The following LAMB2 variants were observed in gnomAD, a reference collection of about 807,000 sequenced individuals.
LAMB2 encodes laminin subunit beta-2.
Under a neutral mutation model 202.7 loss-of-function variants are expected in LAMB2, and 119 were observed. That is an observed-to-expected ratio of 0.59 (90% CI 0.51 to 0.68). LAMB2 has a LOEUF of 0.68. Ranked by LOEUF, LAMB2 falls within the 30% of genes least tolerant of loss-of-function variation. The pLI, the probability that LAMB2 is intolerant of heterozygous loss-of-function variation, is 0.00. For missense variants in LAMB2, 2,124 were observed against 2,410.6 expected, an observed-to-expected ratio of 0.88 and a Z score of 2.49; for synonymous variants, 818 against 902.2, an observed-to-expected ratio of 0.91 and a Z score of 1.67.
chr3:49,132,044 G>T lies in LAMB2; in HGVS notation c.459+72C>A. The stretch of plus-strand genomic sequence containing the variant: ...ATGCTCAAGGAGGCTGTGTTAAGGA[G>T]CTGAGGCTCTGTCCAGGGGCAATGG... On this transcript the variant is annotated intron_variant, in intron 4 of 31. Coordinates refer to ENST00000305544, the MANE Select transcript of LAMB2 (RefSeq NM_002292.4). The surrounding 1 kb of genome is among the most constrained non-coding windows in gnomAD (Gnocchi z 4.6). 7.0e-7 allele frequency: 1 copy of T among 1,420,302 alleles called. No homozygotes were observed. Among genetic ancestry groups the T allele is most frequent in the Non-Finnish European group, 1.0e-6 (1 of 1,004,320 alleles). 88.0% of individuals were successfully genotyped at this position (1,420,302 alleles called of 1,614,324 possible).
Position 49,132,084 on chromosome 3 carries a change from T to C in LAMB2, c.459+32A>G, listed in dbSNP as rs1365288829. 2 of 1,602,812 alleles carry C rather than the reference T, an allele frequency of 1.2e-6. No homozygotes were observed. The highest frequency in any genetic ancestry group is 1.7e-6 in the Non-Finnish European group (2 of 1,169,870). The stretch of plus-strand genomic sequence containing the variant: ...AGGGGCAATGGAGAGCCAAGCAGGG[T>C]GATTCGGGCAGGCTCCCAGATATGC... On this transcript the variant is annotated intron_variant, in intron 4 of 31. Transcript: ENST00000305544. This position sits in a 1 kb window ranked among gnomAD's most constrained non-coding sequence, Gnocchi z 4.6.
rs2045486019 is a variant in LAMB2, at chr3:49,131,895, C to T, written c.460-172G>A. Among the ~76,000 whole-genome samples, 1 of 152,126 alleles carries T rather than the reference C, an allele frequency of 6.6e-6. No individual in the cohort carries two copies. Among genetic ancestry groups the T allele is most frequent in the African/African-American group, 2.4e-5 (1 of 41,418 alleles). On this transcript the variant is annotated intron_variant, in intron 4 of 31. Coordinates refer to ENST00000305544, the MANE Select transcript of LAMB2 (RefSeq NM_002292.4). This position sits in a 1 kb window ranked among gnomAD's most constrained non-coding sequence, Gnocchi z 5.0. Reference sequence around the variant, plus strand: ...GGTAGCCACCTCTAATGGGGAGACTCAGGGTTCATGGGGCTCAGGGAGACA... The same window carrying T: ...GGTAGCCACCTCTAATGGGGAGACTTAGGGTTCATGGGGCTCAGGGAGACA...
In LAMB2 at chr3:49,129,284, C is replaced by T. The variant is rs148333147; in HGVS notation, c.1559G>A (p.Arg520His). 39 of 1,613,646 alleles carry T rather than the reference C, an allele frequency of 2.4e-5. No individual in the cohort carries two copies. Among genetic ancestry groups the T allele is most frequent in the African/African-American group, 2.0e-4 (15 of 75,032 alleles). Residue 520 changes from arginine (R) to histidine (H), a missense_variant, in exon 12 of 32, where the codon CGC (arginine) becomes CAC (histidine). Arg to His is a conservative substitution (Grantham distance 29). Coordinates refer to ENST00000305544, the MANE Select transcript of LAMB2 (RefSeq NM_002292.4). The surrounding 1 kb of genome is among the most constrained non-coding windows in gnomAD (Gnocchi z 6.1). ...WGLSHDLLGC[R>H]PCDCDVGGAL... ...ACCACCCACGTCGCAGTCACAGGGG[C>T]GGCAGCCGAGCAGGTCGTGGCTCAG...
chr3:49,128,860 C>T (rs1209201816), intron 13 of LAMB2, 41 bp from the exon 14 acceptor site: 1 of 1,605,866 alleles, frequency 6.2e-7, no homozygotes, highest in Non-Finnish European at 8.5e-7. Flanking sequence ...TCAGGTGAGG[C>T]TTTGCCTCTT....
chr3:49,124,679 G>A (rs1440883778), intron 21 of LAMB2, 22 bp downstream of exon 21: 8 of 1,613,886 alleles, frequency 5.0e-6, no homozygotes, highest in Non-Finnish European at 6.8e-6. Flanking sequence ...ATTCAGCCAT[G>A]CCCTCCCACA....
intron 18 of LAMB2, 23 bp downstream of exon 18, chr3:49,125,724 G>A: frequency 1.2e-6 from 2 of 1,611,538 alleles, no homozygotes; most frequent in Non-Finnish European, 1.7e-6. Flanking sequence ...AAGCATAGGA[G>A]GGAACAAGGG....
rs528274597 is a variant in LAMB2, at chr3:49,128,168, C to T, written c.2018+290G>A. ...TGATGCCACAACCCCACCACTACCA[C>T]CCTCTACCACCACCACTGTGGACCC... is the stretch of plus-strand genomic sequence containing the variant. On this transcript the variant is annotated intron_variant, in intron 15 of 31. Transcript: ENST00000305544. Among the ~76,000 whole-genome samples, 312 of 152,290 alleles carry T rather than the reference C, an allele frequency of 2.0e-3. 2 individuals are homozygous for T. Among genetic ancestry groups the T allele is most frequent in the Admixed American group, 1.0e-2 (153 of 15,304 alleles).
In LAMB2 at chr3:49,132,375, G is replaced by A. The variant is rs754551568; in HGVS notation, c.280C>T (p.Arg94Trp). ...DEKKCFLCDS[R>W]RPFSARDNPH... is the part of the protein sequence containing the mutation. ...TTGTCTCTAGCAGAGAAGGGGCGCC[G>A]GGAGTCACAAAGGAAGCACTTCTTT... The change falls in exon 3 of 32, where the codon CGG (arginine) becomes TGG (tryptophan). Residue 94 changes from arginine (R) to tryptophan (W), a missense_variant. Around this residue, in one of 3 missense-constraint regions of LAMB2, gnomAD observed 166 missense variants for 158.2 expected, o/e 1.05. Coordinates refer to ENST00000305544, the MANE Select transcript of LAMB2 (RefSeq NM_002292.4). The surrounding 1 kb of genome is among the most constrained non-coding windows in gnomAD (Gnocchi z 4.6). The A allele has an allele frequency of 8.2e-5, 132 of 1,614,084 alleles. No individual in the cohort carries two copies. The highest frequency in any genetic ancestry group is 1.6e-4 in the Middle Eastern group (1 of 6,084).
chr3:49,122,118 A>G (rs764857659), intron 28 of LAMB2, 33 bp from the exon 29 acceptor site: 40 of 1,613,340 alleles, frequency 2.5e-5, no homozygotes, highest in Non-Finnish European at 3.0e-5. Flanking sequence ...ACCTGGAGGT[A>G]TCAAAACCAG....
Position 49,121,674 on chromosome 3 carries a change from C to T in LAMB2, c.5100+10G>A, listed in dbSNP as rs1221346082. ...CCCTACCTTCTCCAGCTGGCTCTGC[C>T]TCAACCCACCTGCTCAGCCTCCTGG... On this transcript the variant is annotated intron_variant, in intron 30 of 31. Transcript: ENST00000305544. The T allele has an allele frequency of 6.2e-7, 1 of 1,614,086 alleles. No individual in the cohort carries two copies. The highest frequency in any genetic ancestry group is 1.1e-5 in the South Asian group (1 of 91,088).
At position 49,125,347 on chromosome 3, in the gene LAMB2, G is replaced by A. The variant is rs200108816; in HGVS notation, c.2626C>T (p.Pro876Ser). 1.2e-5 allele frequency: 20 copies of A among 1,614,080 alleles called. No homozygotes were observed. The highest frequency in any genetic ancestry group is 1.6e-5 in the Non-Finnish European group (19 of 1,180,052). ...RGQWGFPSCR[P>S]CVCNGHADEC... ...TCTGCATGCCCATTGCAGACACATG[G>A]CCGGCAGCTAGGGAATCCCCACTGG... Residue 876 changes from proline (P) to serine (S), a missense_variant, in exon 19 of 32, where the codon CCA becomes TCA. Coordinates refer to ENST00000305544, the MANE Select transcript of LAMB2 (RefSeq NM_002292.4).
At position 49,124,562 on chromosome 3, in the gene LAMB2, C is replaced by A; in HGVS notation, c.3160G>T (p.Asp1054Tyr). 6.2e-7 allele frequency: 1 copy of A among 1,613,840 alleles called. No individual in the cohort carries two copies. Among genetic ancestry groups the A allele is most frequent in the South Asian group, 1.1e-5 (1 of 91,076 alleles). Residue 1054 changes from aspartate (D) to tyrosine (Y), a missense_variant, in exon 22 of 32, where the codon GAC (aspartate) becomes TAC (tyrosine). Asp to Tyr is a radical substitution (Grantham distance 160). Transcript: ENST00000305544. ...GTNPQQCPSP[D>Y]QCHCDPSSGQ... ...CTGCTTGGATCACAGTGGCACTGGTCAGGAGATGGGCACTGCTGCGGATTT... is the reference window on the plus strand; with the variant it reads ...CTGCTTGGATCACAGTGGCACTGGTAAGGAGATGGGCACTGCTGCGGATTT...
Position 49,129,994 on chromosome 3 carries a change from G to A in LAMB2, c.1250C>T (p.Ser417Phe). The A allele has an allele frequency of 6.2e-7, 1 of 1,614,022 alleles. No individual in the cohort carries two copies. Among genetic ancestry groups the A allele is most frequent in the African/African-American group, 1.3e-5 (1 of 75,050 alleles). The change falls in exon 10 of 32, where the codon TCT (serine) becomes TTT (phenylalanine). Residue 417 changes from serine to phenylalanine, a missense_variant. Ser to Phe is a radical substitution (Grantham distance 155, BLOSUM62 -2). Around this residue, in one of 3 missense-constraint regions of LAMB2, gnomAD observed 1,702 missense variants for 1,896.3 expected, o/e 0.90. Transcript: ENST00000305544. This position sits in a 1 kb window ranked among gnomAD's most constrained non-coding sequence, Gnocchi z 6.1. ...CRSCDCDPMG[S>F]QDGGRCDSHD... is the part of the protein sequence containing the mutation. ...GGAATCACAGCGACCACCGTCTTGA[G>A]AACCCATGGGGTCACAATCACAGGC...
In LAMB2 at chr3:49,132,813, G is replaced by A. The variant is rs1426931887; in HGVS notation, c.55C>T (p.Arg19Ter). 4 of 1,614,168 alleles carry A rather than the reference G, an allele frequency of 2.5e-6. No individual in the cohort carries two copies. The highest frequency in any genetic ancestry group is 3.4e-6 in the Non-Finnish European group (4 of 1,180,032). The change falls in exon 1 of 32, where the codon CGA becomes TGA. Residue 19 changes from arginine to a stop codon, truncating the protein, a stop_gained. Transcript: ENST00000305544. LOFTEE classifies it high-confidence loss of function. This position sits in a 1 kb window ranked among gnomAD's most constrained non-coding sequence, Gnocchi z 4.6. The part of the protein sequence containing the change: ...GRGQPLPWEL[R>*]LGLLLSVLAA... ...TCACCGCTTAGCAGTAGGCCCAGTC[G>A]AAGTTCCCAGGGCAGAGGCTGTCCC...
intron 27 of LAMB2, 140 bp downstream of exon 27, chr3:49,122,564 A>G (rs905808304): frequency 4.3e-5 from 41 of 942,626 alleles, no homozygotes; most frequent in Non-Finnish European, 6.2e-5. Flanking sequence ...CATATGGGCA[A>G]TAACTCAGGA....
intron 22 of LAMB2, 34 bp from the exon 23 acceptor site, chr3:49,124,320 A>C: frequency 6.2e-7 from 1 of 1,610,386 alleles, no homozygotes; most frequent in Non-Finnish European, 8.5e-7. Flanking sequence ...CAGAGCCTCT[A>C]TAAGAGGCTA....
At position 49,129,112 on chromosome 3, in the gene LAMB2, T is replaced by C; in HGVS notation, c.1639A>G (p.Met547Val). 3 of 1,614,014 alleles carry C rather than the reference T, an allele frequency of 1.9e-6. No homozygotes were observed. The highest frequency in any genetic ancestry group is 1.1e-5 in the South Asian group (1 of 91,084). The change falls in exon 13 of 32, where the codon ATG becomes GTG. Residue 547 changes from methionine to valine, a missense_variant. This residue lies in a region of LAMB2 where 1,702 missense variants were observed against 1,896.3 expected (regional missense o/e 0.90). Coordinates refer to ENST00000305544, the MANE Select transcript of LAMB2 (RefSeq NM_002292.4). The surrounding 1 kb of genome is among the most constrained non-coding windows in gnomAD (Gnocchi z 6.1). ...GTGQCHCRQHMVGRRCEQVQP... is the reference protein window; with the variant it reads ...GTGQCHCRQHVVGRRCEQVQP... ...ACCTGCTCACAGCGTCGCCCAACCATGTGCTGGCGGCAGTGGCATTGACCT... is the reference window on the plus strand; with the variant it reads ...ACCTGCTCACAGCGTCGCCCAACCACGTGCTGGCGGCAGTGGCATTGACCT...
rs2045412353 is a variant in LAMB2 at position 49,126,175 on chromosome 3, A to G, written c.2152-16T>C. The G allele has an allele frequency of 3.7e-6, 6 of 1,611,088 alleles. No individual in the cohort carries two copies. Among genetic ancestry groups the G allele is most frequent in the Non-Finnish European group, 5.1e-6 (6 of 1,179,852 alleles). On this transcript the variant is annotated splice_polypyrimidine_tract_variant and intron_variant, in intron 16 of 31. Coordinates refer to ENST00000305544, the MANE Select transcript of LAMB2 (RefSeq NM_002292.4). ...GCAGCACCAGCTGAAGGAGTGAGCA[A>G]GGAAGATCGCAGTTCAGACCTGGGA... is the stretch of plus-strand genomic sequence containing the variant.
Position 49,130,739 on chromosome 3 carries a change from C to T in LAMB2, c.1036+1G>A, listed in dbSNP as rs2107643918. The T allele has an allele frequency of 6.2e-7, 1 of 1,613,944 alleles. No homozygotes were observed. Among genetic ancestry groups the T allele is most frequent in the Non-Finnish European group, 8.5e-7 (1 of 1,180,004 alleles). The stretch of plus-strand genomic sequence containing the variant: ...GCTATGGAGGCCAAGATCTCACTCA[C>T]TCCTACAGGCATGACTATGGCCGTC... On this transcript the variant is annotated splice_donor_variant, in intron 8 of 31. Coordinates refer to ENST00000305544, the MANE Select transcript of LAMB2 (RefSeq NM_002292.4). LOFTEE classifies it high-confidence loss of function. The surrounding 1 kb of genome is among the most constrained non-coding windows in gnomAD (Gnocchi z 5.0).
Sources: gnomAD v4.1 joint callset for allele counts (sites outside exome capture counted in the v4.1 genomes callset) on GRCh38, gnomAD v4.1.1 for gene constraint, gnomAD v4.1.1 regional missense constraint, Gnocchi (gnomAD v3.1) non-coding constraint, MANE v1.5 for transcripts, NCBI Gene and HGNC (gene_info 2026-07-23, HGNC 2026-07-21) for gene names.